Variants in STARD13 observed in about 807,000 individuals in gnomAD.
STARD13 encodes the protein StAR related lipid transfer domain containing 13, also known as stAR-related lipid transfer protein 13.
A neutral mutation model predicts 106.4 loss-of-function variants in STARD13; 62 were observed. The ratio of observed to expected loss-of-function variants is 0.58; its 90% CI spans 0.48 to 0.72. The LOEUF is 0.72. STARD13 is among the 30% of genes least tolerant of loss of function. The pLI, the probability that STARD13 is intolerant of heterozygous loss-of-function variation, is 0.00. For synonymous variants in STARD13, 565 were observed against 553.0 expected, an observed-to-expected ratio of 1.02 and a Z score of -0.31; for missense variants, 1,387 against 1,424.0, an observed-to-expected ratio of 0.97 and a Z score of 0.42.
chr13:33,586,747 C>CT, the STARD13 span, among the ~76,000 whole-genome samples: 34,131 of 151,998 alleles, frequency 0.22, 4,870 homozygotes, highest in East Asian at 0.39. Flanking sequence ...TCACAGCAAG[C>CT]TATGACCCTG....
At chr13:33,428,316 T>C in the STARD13 span, among the ~76,000 whole-genome samples, 1 of 151,852 alleles carries the variant, frequency 6.6e-6, no homozygotes, top group Non-Finnish European at 1.5e-5. Flanking sequence ...AAAACAAATA[T>C]AGAAATTAGA....
At chr13:33,480,477 T>C in the STARD13 span, among the ~76,000 whole-genome samples, 1 of 152,190 alleles carries the variant, frequency 6.6e-6, no homozygotes, top group Admixed American at 6.5e-5. Flanking sequence ...GTTGGTTTTA[T>C]CATTCTGAAA....
At chr13:33,314,660 C>G (rs939325652) in intron 1 of STARD13, among the ~76,000 whole-genome samples, 2 of 152,020 alleles carry the variant, frequency 1.3e-5, no homozygotes, top group African/African-American at 4.8e-5. Flanking sequence ...ATAACACAAC[C>G]GAGCACCTAA....
At chr13:33,406,743 G>A in the STARD13 span, among the ~76,000 whole-genome samples, 1 of 152,104 alleles carries the variant, frequency 6.6e-6, no homozygotes, top group South Asian at 2.1e-4. Flanking sequence ...ACCAACAAAA[G>A]CACAAAAATG....
chr13:33,299,192 G>A (rs945217830), intron 1 of STARD13, among the ~76,000 whole-genome samples: 4 of 152,194 alleles, frequency 2.6e-5, no homozygotes. Context: ...TGTAGGATTT[G>A]TGTGAGTACA....
At chr13:33,410,973 C>T in the STARD13 span, among the ~76,000 whole-genome samples, 1 of 152,198 alleles carries the variant, frequency 6.6e-6, no homozygotes. Flanking sequence ...TTCAACTCAT[C>T]AAAATTTCCA....
intron 1 of STARD13, among the ~76,000 whole-genome samples, chr13:33,321,306 G>A (rs141356798): frequency 1.4e-3 from 210 of 152,232 alleles, no homozygotes; most frequent in African/African-American, 4.8e-3. Context: ...AGGAGTTTGA[G>A]ACCTGCCTGA....
Position 33,117,056 on chromosome 13 carries a change from A to G in STARD13, c.2281+1009T>C, listed in dbSNP as rs565763126. ...CCATGAATTGGGATCTGGACCATCA[A>G]AATAATTCATAATGTTAACATTGTC... On this transcript the variant is annotated intron_variant, in intron 8 of 13. Coordinates refer to ENST00000336934, the MANE Select transcript of STARD13 (RefSeq NM_178006.4). Among the ~76,000 whole-genome samples, 3 of 152,340 alleles carry G rather than the reference A, an allele frequency of 2.0e-5. No individual in the cohort carries two copies. In the East Asian group the frequency reaches 5.8e-4, roughly 29 times the overall value.
At chr13:33,374,971 G>A in the STARD13 span, among the ~76,000 whole-genome samples, 4 of 152,156 alleles carry the variant, frequency 2.6e-5, no homozygotes, top group African/African-American at 9.7e-5. Flanking sequence ...TAGTACTCAT[G>A]TCTTGAGAAT....
At chr13:33,626,614 T>C in the STARD13 span, among the ~76,000 whole-genome samples, 6 of 152,222 alleles carry the variant, frequency 3.9e-5, no homozygotes, top group Non-Finnish European at 8.8e-5. Flanking sequence ...TTTTAGAAAG[T>C]GTAGGAAAGT....
the STARD13 span, among the ~76,000 whole-genome samples, chr13:33,374,831 A>C: frequency 6.6e-6 from 1 of 152,188 alleles, no homozygotes; most frequent in Non-Finnish European, 1.5e-5. Context: ...GTCAAACTTT[A>C]GTCTTTATAC....
At chr13:33,180,512 A>G (rs1885130545) in intron 1 of STARD13, 1 of 152,224 alleles carries the variant, frequency 6.6e-6, no homozygotes, top group Non-Finnish European at 1.5e-5. Context: ...TGTTATGAGA[A>G]AAAATCTCAA....
At chr13:33,268,600 C>T (rs569829699) in intron 1 of STARD13, among the ~76,000 whole-genome samples, 2 of 152,318 alleles carry the variant, frequency 1.3e-5, no homozygotes, top group Admixed American at 1.3e-4. Context: ...GTTCCTGGAA[C>T]TTACCCAAGG....
intron 1 of STARD13, among the ~76,000 whole-genome samples, chr13:33,196,312 C>G (rs965732140): frequency 3.9e-5 from 6 of 152,168 alleles, no homozygotes; most frequent in African/African-American, 1.2e-4. Flanking sequence ...ATCGCTGGAA[C>G]CTGGGGGGCA....
chr13:33,626,451 T>A, the STARD13 span, among the ~76,000 whole-genome samples: 1 of 152,232 alleles, frequency 6.6e-6, no homozygotes. Context: ...AGAAAATTGT[T>A]GGTGAAATCT....
At chr13:33,434,344 C>T in the STARD13 span, among the ~76,000 whole-genome samples, 1 of 97,544 alleles carries the variant, frequency 1.0e-5, no homozygotes, top group Non-Finnish European at 1.9e-5. Flanking sequence ...TAGAGCAAGA[C>T]TCTGTCTCAA....
intron 1 of STARD13, among the ~76,000 whole-genome samples, chr13:33,236,086 T>C (rs942908913): frequency 9.9e-5 from 15 of 152,254 alleles, no homozygotes; most frequent in Non-Finnish European, 1.5e-5. Flanking sequence ...GTACTGTTTT[T>C]ATTACAAATC....
intron 1 of STARD13, chr13:33,333,536 T>C (rs2077861131): frequency 1.3e-5 from 2 of 151,826 alleles, no homozygotes; most frequent in South Asian, 4.2e-4. Context: ...AGGGTAGGAG[T>C]TTATCTGGCA....
intron 1 of STARD13, among the ~76,000 whole-genome samples, chr13:33,242,356 T>C (rs1378403989): frequency 2.0e-5 from 3 of 152,194 alleles, no homozygotes; most frequent in Non-Finnish European, 4.4e-5. Flanking sequence ...TGTTACTGTG[T>C]CTGTGTAGAA....
Sources: gnomAD v4.1 joint callset for allele counts (sites outside exome capture counted in the v4.1 genomes callset) on GRCh38, gnomAD v4.1.1 for gene constraint, MANE v1.5 for transcripts, NCBI Gene and HGNC (gene_info 2026-07-23, HGNC 2026-07-21) for gene names.